Variants in CLYBL observed in about 807,000 individuals in gnomAD.
CLYBL encodes citramalyl-CoA lyase, also known as citramalyl-CoA lyase, mitochondrial.
CLYBL carries 31 observed loss-of-function variants against 38.9 expected under a neutral mutation model. The ratio of observed to expected loss-of-function variants is 0.80; its 90% CI spans 0.60 to 1.08. The LOEUF (loss-of-function observed/expected upper bound fraction) is 1.08, where lower values mean the gene tolerates loss of function less well. Ranked by LOEUF, CLYBL falls within the 50% of genes least tolerant of loss-of-function variation. The pLI is 0.00. For missense variants in CLYBL, 434 were observed against 411.6 expected, an observed-to-expected ratio of 1.05 and a Z score of -0.47; for synonymous variants, 171 against 158.6, an observed-to-expected ratio of 1.08 and a Z score of -0.59.
At position 99,908,955 on chromosome 13, in the gene CLYBL, C is replaced by T. The variant is rs765627045; in HGVS notation, c.*1061C>T. On this transcript the variant is annotated 3_prime_UTR_variant and NMD_transcript_variant, in exon 10 of 10. Transcript: ENST00000689673. ...GTAACTCAGAGTCCCATTCCACAAG[C>T]CCATGCTAGTGAGCCAACACAAACA... Among the ~76,000 whole-genome samples, 32 of 152,168 alleles carry T rather than the reference C, an allele frequency of 2.1e-4. 1 individual carries two copies. The highest frequency in any genetic ancestry group is 5.3e-4 in the African/African-American group (22 of 41,438).
rs573196837 is a variant in CLYBL, at chr13:99,866,923, C to T, written c.802+516C>T. 3.3e-5 allele frequency among the ~76,000 whole-genome samples: 5 copies of T among 152,190 alleles called. No homozygotes were observed. In the South Asian group the frequency reaches 8.3e-4, roughly 25 times the overall value. On this transcript the variant is annotated intron_variant, in intron 6 of 8. Coordinates refer to ENST00000339105, the MANE Select transcript of CLYBL (RefSeq NM_206808.5). The stretch of plus-strand genomic sequence containing the variant: ...TCTCTCCCACCTCCCAGTAAGTGTC[C>T]GTGTACCTGGCGACACCTACGGGCA...
At chr13:99,894,723 A>C, downstream of CLYBL, 1 of 54,444 alleles carries the variant, frequency 1.8e-5, no homozygotes, top group Non-Finnish European at 3.1e-5. Flanking sequence ...TTCCCCTAAT[A>C]CCTTGCCTGA....
intron 1 of CLYBL, among the ~76,000 whole-genome samples, chr13:99,738,700 G>T (rs1004795401): frequency 6.6e-6 from 1 of 152,116 alleles, no homozygotes; most frequent in Non-Finnish European, 1.5e-5. Flanking sequence ...GAAAACTTAG[G>T]TATTCAAATG....
chr13:99,769,767 A>G (rs1566319317), intron 1 of CLYBL, among the ~76,000 whole-genome samples: 1 of 152,180 alleles, frequency 6.6e-6, no homozygotes, highest in Non-Finnish European at 1.5e-5. Flanking sequence ...TGTTGTGGCA[A>G]AATAAGACCC....
intron 1 of CLYBL, among the ~76,000 whole-genome samples, chr13:99,659,077 G>A (rs2047372133): frequency 6.6e-6 from 1 of 152,154 alleles, no homozygotes; most frequent in African/African-American, 2.4e-5. Context: ...CTGTTTTTAT[G>A]CTCTTTCCTA....
In CLYBL at chr13:99,706,967, C is replaced by T. The variant is rs140073909; in HGVS notation, c.63-65857C>T. On this transcript the variant is annotated intron_variant, in intron 1 of 8. Coordinates refer to ENST00000339105, the MANE Select transcript of CLYBL (RefSeq NM_206808.5). Reference sequence around the variant, plus strand: ...ACAGGTGCCGTGCCACCAAGCCCAGCGAATTTTTGTATTTTTTTGTAGAGA... The same window carrying T: ...ACAGGTGCCGTGCCACCAAGCCCAGTGAATTTTTGTATTTTTTTGTAGAGA... 4.9e-4 allele frequency among the ~76,000 whole-genome samples: 74 copies of T among 152,158 alleles called. 1 individual carries two copies. The highest frequency in any genetic ancestry group is 2.1e-4 in the South Asian group (1 of 4,802).
intron 2 of CLYBL, among the ~76,000 whole-genome samples, chr13:99,793,047 C>G (rs2049951367): frequency 6.6e-6 from 1 of 151,802 alleles, no homozygotes. Context: ...CACACACACA[C>G]ACACACACAC....
chr13:99,634,414 A>T (rs2139244859), intron 1 of CLYBL, among the ~76,000 whole-genome samples: 1 of 152,328 alleles, frequency 6.6e-6, no homozygotes, highest in South Asian at 2.1e-4. Flanking sequence ...AAAAGAAATG[A>T]ACCAGAAATG....
At chr13:99,677,467 A>G (rs749517087) in intron 1 of CLYBL, among the ~76,000 whole-genome samples, 1 of 152,176 alleles carries the variant, frequency 6.6e-6, no homozygotes, top group Non-Finnish European at 1.5e-5. Context: ...ATTAAATATG[A>G]GTGCACGTGT....
chr13:99,830,138 C>G (rs2050777381), intron 2 of CLYBL, among the ~76,000 whole-genome samples: 1 of 152,154 alleles, frequency 6.6e-6, no homozygotes, highest in Non-Finnish European at 1.5e-5. Context: ...CTCCTTGTTT[C>G]TAAAATGACT....
intron 7 of CLYBL, among the ~76,000 whole-genome samples, chr13:99,880,902 A>G (rs1445629039): frequency 6.6e-6 from 1 of 152,154 alleles, no homozygotes; most frequent in Non-Finnish European, 1.5e-5. Flanking sequence ...TGAATCCACT[A>G]ACTGCCCAGG....
chr13:99,886,817 G>C (rs541425702), intron 7 of CLYBL, among the ~76,000 whole-genome samples: 3 of 152,272 alleles, frequency 2.0e-5, no homozygotes, highest in African/African-American at 7.2e-5. Flanking sequence ...GTTGCATCAG[G>C]TAGCACCTGC....
chr13:99,744,642 G>A (rs997380513), intron 1 of CLYBL, among the ~76,000 whole-genome samples: 1 of 152,202 alleles, frequency 6.6e-6, no homozygotes, highest in South Asian at 2.1e-4. Flanking sequence ...CACCAATTCA[G>A]AGAGATAGAT....
At chr13:99,758,251 G>C (rs2049102053) in intron 1 of CLYBL, among the ~76,000 whole-genome samples, 2 of 152,144 alleles carry the variant, frequency 1.3e-5, no homozygotes, top group Non-Finnish European at 2.9e-5. Context: ...TTATATAAAT[G>C]GTTAATTAAT....
At chr13:99,871,852 T>C (rs1315611480) in intron 7 of CLYBL, among the ~76,000 whole-genome samples, 1 of 152,114 alleles carries the variant, frequency 6.6e-6, no homozygotes, top group African/African-American at 2.4e-5. Flanking sequence ...CATTTATAAA[T>C]CTATCCTAGA....
At chr13:99,697,620 G>T (rs1413723938) in intron 1 of CLYBL, among the ~76,000 whole-genome samples, 2 of 149,700 alleles carry the variant, frequency 1.3e-5, no homozygotes, top group African/African-American at 4.9e-5. Flanking sequence ...AAAGTGCTGG[G>T]ATTACAGGCA....
chr13:99,790,629 C>A (rs1484422894), intron 2 of CLYBL, among the ~76,000 whole-genome samples: 1 of 152,156 alleles, frequency 6.6e-6, no homozygotes, highest in Non-Finnish European at 1.5e-5. Context: ...TCTGTCAATA[C>A]CCACTTCATG....
chr13:99,781,278 C>T (rs144554144), intron 2 of CLYBL, among the ~76,000 whole-genome samples: 70 of 152,084 alleles, frequency 4.6e-4, no homozygotes, highest in South Asian at 2.7e-3. Flanking sequence ...TCACGCCATT[C>T]TCCTGCCTCA....
chr13:99,903,401 CAT>C (rs1469646160), intron 8 of CLYBL, among the ~76,000 whole-genome samples: 1 of 139,436 alleles, frequency 7.2e-6, no homozygotes, highest in Non-Finnish European at 1.7e-5. Context: ...CTGACACACA[CAT>C]ACACTCACAC....
Sources: gnomAD v4.1 joint callset for allele counts (sites outside exome capture counted in the v4.1 genomes callset) on GRCh38, gnomAD v4.1.1 for gene constraint, MANE v1.5 for transcripts, NCBI Gene and HGNC (gene_info 2026-07-23, HGNC 2026-07-21) for gene names.